Variants in GRID1 observed in about 807,000 individuals in gnomAD.
GRID1 encodes the protein glutamate receptor ionotropic, delta-1.
In GRID1, 28 loss-of-function variants were observed where a neutral mutation model predicts 98.0. The observed-to-expected ratio is 0.29, with a 90% CI of 0.21 to 0.39. GRID1 has a LOEUF of 0.39. GRID1 is among the 10% of genes least tolerant of loss of function. The pLI, the probability that GRID1 is intolerant of heterozygous loss-of-function variation, is 1.00. For missense variants in GRID1, 1,111 were observed against 1,340.5 expected, an observed-to-expected ratio of 0.83 and a Z score of 2.67; for synonymous variants, 553 against 538.5, an observed-to-expected ratio of 1.03 and a Z score of -0.37.
chr10:85,627,629 A>T (rs1048259533), intron 13 of GRID1, among the ~76,000 whole-genome samples: 4 of 152,116 alleles, frequency 2.6e-5, no homozygotes, highest in Non-Finnish European at 5.9e-5. Context: ...ACCTTTTGTG[A>T]TTACGGATAT....
Position 86,291,542 on chromosome 10 carries a change from G to C in GRID1, c.235+72399C>G, listed in dbSNP as rs543318846. On this transcript the variant is annotated intron_variant, in intron 2 of 15. Coordinates refer to ENST00000327946, the MANE Select transcript of GRID1 (RefSeq NM_017551.3). ...AGCACAAGACTCTCACTCAGCCTTT[G>C]GGCTTCAGCACAGGCCATCCACCTC... is the stretch of plus-strand genomic sequence containing the variant. Among the ~76,000 whole-genome samples, 4 of 152,280 alleles carry C rather than the reference G, an allele frequency of 2.6e-5. No individual in the cohort carries two copies. In the South Asian group the frequency reaches 8.3e-4, roughly 32 times the overall value.
At chr10:85,966,761 C>T (rs1842341558) in intron 4 of GRID1, among the ~76,000 whole-genome samples, 1 of 151,828 alleles carries the variant, frequency 6.6e-6, no homozygotes. Flanking sequence ...TTTCAGTGAG[C>T]CAAGATCATG....
In GRID1 at chr10:86,363,962, G is replaced by T; in HGVS notation, c.214C>A (p.Pro72Thr). The change falls in exon 2 of 16, where the codon CCA (proline) becomes ACA (threonine). Residue 72 changes from proline (P) to threonine (T), a missense_variant. Transcript: ENST00000327946. Reference sequence around the variant, plus strand: ...TCACCTTCCTGCACAGCCTGGAATGGGTTGTTGGCCTCGATGACCTTGATG... The same window carrying T: ...TCACCTTCCTGCACAGCCTGGAATGTGTTGTTGGCCTCGATGACCTTGATG... ...YSIKVIEANN[P>T]FQAVQEACDL... is the part of the protein sequence containing the mutation. 6.2e-7 allele frequency: 1 copy of T among 1,614,102 alleles called. No homozygotes were observed. The highest frequency in any genetic ancestry group is 8.5e-7 in the Non-Finnish European group (1 of 1,179,930).
intron 13 of GRID1, among the ~76,000 whole-genome samples, chr10:85,643,844 C>A (rs961934917): frequency 2.6e-5 from 4 of 152,146 alleles, no homozygotes; most frequent in African/African-American, 7.2e-5. Flanking sequence ...AGATTAAATT[C>A]TATACCATGA....
At chr10:85,874,422 C>A (rs964167855) in intron 5 of GRID1, among the ~76,000 whole-genome samples, 4 of 152,104 alleles carry the variant, frequency 2.6e-5, no homozygotes, top group Admixed American at 2.0e-4. Context: ...TGCATTGGAG[C>A]ATTGTTAAAT....
At chr10:85,713,661 A>T (rs1841606273) in intron 12 of GRID1, among the ~76,000 whole-genome samples, 1 of 151,690 alleles carries the variant, frequency 6.6e-6, no homozygotes, top group Non-Finnish European at 1.5e-5. Flanking sequence ...CCCATGATCA[A>T]GTGGAACTTA....
intron 3 of GRID1, among the ~76,000 whole-genome samples, chr10:86,164,198 A>T (rs868042): frequency 0.14 from 21,017 of 152,260 alleles, 1,617 homozygotes; most frequent in Middle Eastern, 0.22. Flanking sequence ...AAGTCAGCAC[A>T]AAAATCAATG....
intron 4 of GRID1, among the ~76,000 whole-genome samples, chr10:86,053,502 G>C (rs1051917833): frequency 6.6e-6 from 1 of 152,020 alleles, no homozygotes; most frequent in African/African-American, 2.4e-5. Flanking sequence ...GGGACTATAG[G>C]CATGCGCCAC....
chr10:86,111,731 C>A (rs1448393955), intron 4 of GRID1, among the ~76,000 whole-genome samples: 1 of 152,204 alleles, frequency 6.6e-6, no homozygotes, highest in African/African-American at 2.4e-5. Context: ...GCTTCCCAGG[C>A]TAACAGATAT....
intron 4 of GRID1, among the ~76,000 whole-genome samples, chr10:85,981,262 C>A (rs749597161): frequency 1.3e-5 from 2 of 152,238 alleles, no homozygotes; most frequent in Non-Finnish European, 2.9e-5. Flanking sequence ...CACAAGCTTT[C>A]AGTCTGACAC....
chr10:86,191,191 T>A (rs1845798186), intron 3 of GRID1, among the ~76,000 whole-genome samples: 1 of 152,030 alleles, frequency 6.6e-6, no homozygotes, highest in Admixed American at 6.5e-5. Context: ...AAGTCAGTAA[T>A]TATGGCCCAG....
Position 85,599,802 on chromosome 10 carries a change from A to AAAAAAATATATATATATAT in GRID1, c.*2470_*2471insATATATATATATATTTTTT. 4.6e-5 allele frequency: 3 copies of AAAAAAATATATATATATAT among 64,982 alleles called. No homozygotes were observed. Among genetic ancestry groups the AAAAAAATATATATATATAT allele is most frequent in the South Asian group, 4.8e-4 (1 of 2,070 alleles). 4.0% of individuals were successfully genotyped at this position (64,982 alleles called of 1,614,324 possible). A position where few individuals can be genotyped will look rare whatever the true frequency, so the allele number is the denominator to read the frequency against. ...GTAGAAAATTCTAAAAAAAAAAAAA[A>AAAAAAATATATATATATAT]ATATATATATATATATATAAACATG... On this transcript the variant is annotated 3_prime_UTR_variant, in exon 16 of 16. Coordinates refer to ENST00000327946, the MANE Select transcript of GRID1 (RefSeq NM_017551.3).
chr10:85,912,958 C>T (rs988824753), intron 5 of GRID1, among the ~76,000 whole-genome samples: 1 of 152,130 alleles, frequency 6.6e-6, no homozygotes, highest in South Asian at 2.1e-4. Flanking sequence ...AATAACAGGA[C>T]TTTTGTGTTC....
In GRID1 at chr10:85,684,348, A is replaced by G. The variant is rs186159596; in HGVS notation, c.1998-36951T>C. 1.2e-3 allele frequency among the ~76,000 whole-genome samples: 179 copies of G among 152,334 alleles called. 1 individual carries two copies. Among genetic ancestry groups the G allele is most frequent in the African/African-American group, 4.2e-3 (174 of 41,586 alleles). On this transcript the variant is annotated intron_variant, in intron 12 of 15. Coordinates refer to ENST00000327946, the MANE Select transcript of GRID1 (RefSeq NM_017551.3). ...CAGCCAAACTTGCTTGTAAATATAG[A>G]GATAAAAACCCTAAACAAAATATTA...
intron 2 of GRID1, among the ~76,000 whole-genome samples, chr10:86,289,137 C>A (rs533845588): frequency 1.3e-5 from 2 of 152,270 alleles, no homozygotes; most frequent in South Asian, 2.1e-4. Flanking sequence ...GACCAATGGA[C>A]CCCCAGTGCT....
chr10:85,982,542 A>G lies in GRID1; in HGVS notation c.727-66303T>C, dbSNP rs1165087785. ...GGTGAATGGGGAGTATTGCGGGAGT[A>G]TTGCAGGGGAGGAGGTGGGGAGGGG... On this transcript the variant is annotated intron_variant, in intron 4 of 15. Transcript: ENST00000327946. Among the ~76,000 whole-genome samples, 4 of 152,064 alleles carry G rather than the reference A, an allele frequency of 2.6e-5. No individual in the cohort carries two copies. The South Asian group carries it at 8.3e-4, about 32-fold the overall frequency.
At chr10:85,770,194 G>A (rs919108638) in intron 8 of GRID1, among the ~76,000 whole-genome samples, 4 of 152,190 alleles carry the variant, frequency 2.6e-5, no homozygotes, top group East Asian at 1.9e-4. Context: ...TGCAGCCACC[G>A]CTGCTGGTAC....
intron 4 of GRID1, among the ~76,000 whole-genome samples, chr10:85,992,979 T>C (rs573856468): frequency 6.6e-6 from 1 of 152,120 alleles, no homozygotes; most frequent in South Asian, 2.1e-4. Flanking sequence ...TTAGAAGTTT[T>C]TAAAAGAGCT....
chr10:85,749,059 A>T (rs1489572650), intron 8 of GRID1, among the ~76,000 whole-genome samples: 2 of 152,122 alleles, frequency 1.3e-5, no homozygotes, highest in Admixed American at 1.3e-4. Context: ...CCCAGCCACC[A>T]TTATCACCTG....
Sources: allele counts gnomAD v4.1 joint callset (sites outside exome capture counted in the v4.1 genomes callset), GRCh38; gene constraint gnomAD v4.1.1; transcripts MANE v1.5; gene names NCBI Gene and HGNC (gene_info 2026-07-23, HGNC 2026-07-21).